Variants in TASP1 observed in about 807,000 individuals in gnomAD.
TASP1 encodes taspase 1, also known as threonine aspartase 1.
TASP1 carries 16 observed loss-of-function variants against 56.6 expected under a neutral mutation model. The observed-to-expected ratio is 0.28, with a 90% CI of 0.19 to 0.43. The LOEUF (loss-of-function observed/expected upper bound fraction) is 0.43. Ranked by LOEUF, TASP1 falls within the 20% of genes least tolerant of loss-of-function variation. TASP1 has a pLI of 1.00. For missense variants in TASP1, 393 were observed against 511.6 expected, an observed-to-expected ratio of 0.77 and a Z score of 2.24; for synonymous variants, 179 against 184.2, an observed-to-expected ratio of 0.97 and a Z score of 0.23.
At chr20:13,431,920 CAGCA>C (rs1420062691) in intron 12 of TASP1, among the ~76,000 whole-genome samples, 4 of 152,232 alleles carry the variant, frequency 2.6e-5, no homozygotes, top group African/African-American at 9.6e-5. Context: ...TAGTCCCCGC[CAGCA>C]AGAAGGCCCT....
chr20:13,469,529 A>T (rs545884031), intron 11 of TASP1, among the ~76,000 whole-genome samples: 14 of 152,248 alleles, frequency 9.2e-5, no homozygotes, highest in South Asian at 8.3e-4. Flanking sequence ...CAGTAATAAA[A>T]TTTTTTTCTT....
At chr20:13,363,165 T>C in the TASP1 span, among the ~76,000 whole-genome samples, 1 of 152,184 alleles carries the variant, frequency 6.6e-6, no homozygotes, top group Non-Finnish European at 1.5e-5. Flanking sequence ...CAACTCTTGT[T>C]GGGCTCCTAC....
the TASP1 span, among the ~76,000 whole-genome samples, chr20:13,112,378 C>T: frequency 2.6e-5 from 4 of 152,212 alleles, no homozygotes; most frequent in African/African-American, 7.2e-5. Flanking sequence ...TCCCTTACAA[C>T]GTGGTGCTGG....
At chr20:13,123,604 T>C in the TASP1 span, among the ~76,000 whole-genome samples, 1 of 152,162 alleles carries the variant, frequency 6.6e-6, no homozygotes, top group Non-Finnish European at 1.5e-5. Context: ...TTATATTCCC[T>C]CCAAGGGGAC....
chr20:13,117,864 T>A, the TASP1 span: 18 of 740,770 alleles, frequency 2.4e-5, 1 homozygote, highest in Non-Finnish European at 3.2e-5. Context: ...CTACAGTGGG[T>A]TCACAGCCAG....
At chr20:13,217,945 T>A in the TASP1 span, among the ~76,000 whole-genome samples, 2 of 152,162 alleles carry the variant, frequency 1.3e-5, no homozygotes, top group South Asian at 4.1e-4. Context: ...CAGAGTCCTT[T>A]GCCATGTAGA....
intron 6 of TASP1, among the ~76,000 whole-genome samples, chr20:13,571,112 C>T (rs1396026090): frequency 6.6e-6 from 1 of 152,070 alleles, no homozygotes; most frequent in Non-Finnish European, 1.5e-5. Context: ...AGGTTTGATT[C>T]TAAGTAAAAT....
the TASP1 span, among the ~76,000 whole-genome samples, chr20:13,208,598 G>C: frequency 6.6e-6 from 1 of 152,194 alleles, no homozygotes; most frequent in Non-Finnish European, 1.5e-5. Flanking sequence ...ACTTGCTTTA[G>C]ACAGTAGAAT....
the TASP1 span, among the ~76,000 whole-genome samples, chr20:13,321,112 T>C: frequency 6.6e-6 from 1 of 151,746 alleles, no homozygotes; most frequent in East Asian, 1.9e-4. Flanking sequence ...GGCATGAGAA[T>C]CGTTTGAACC....
chr20:13,498,634 A>C (rs764902660), intron 10 of TASP1, among the ~76,000 whole-genome samples: 3 of 151,956 alleles, frequency 2.0e-5, no homozygotes, highest in Non-Finnish European at 4.4e-5. Flanking sequence ...GTGGGCCACC[A>C]TGCCCAGCCT....
chr20:13,583,283 A>T (rs1465597986), intron 5 of TASP1, among the ~76,000 whole-genome samples: 1 of 152,190 alleles, frequency 6.6e-6, no homozygotes, highest in Non-Finnish European at 1.5e-5. Context: ...TCTGCCTCAC[A>T]GGATTGATCC....
chr20:13,602,512 G>C lies in TASP1; in HGVS notation c.283-15142C>G, dbSNP rs142032675. Among the ~76,000 whole-genome samples, 5 of 152,304 alleles carry C rather than the reference G, an allele frequency of 3.3e-5. No individual in the cohort carries two copies. The East Asian group carries it at 9.7e-4, about 29-fold the overall frequency. On this transcript the variant is annotated intron_variant, in intron 4 of 13. Transcript: ENST00000337743. ...ATTAAGATGCTAATTAGGGAAACTG[G>C]ATATTAGCATATGAGAATTCTCTAA...
chr20:13,156,780 C>T, the TASP1 span, among the ~76,000 whole-genome samples: 3 of 152,216 alleles, frequency 2.0e-5, no homozygotes, highest in South Asian at 6.2e-4. Flanking sequence ...CATTTCACTA[C>T]TACTCTGCAA....
chr20:13,614,471 C>T (rs1162366565), intron 4 of TASP1, among the ~76,000 whole-genome samples: 2 of 152,118 alleles, frequency 1.3e-5, no homozygotes, highest in Non-Finnish European at 2.9e-5. Context: ...ATTTGTTAAT[C>T]TGACATAAAA....
chr20:13,108,062 A>C, the TASP1 span, among the ~76,000 whole-genome samples: 20 of 152,030 alleles, frequency 1.3e-4, no homozygotes, highest in African/African-American at 4.8e-4. Flanking sequence ...GCTTTTTCTG[A>C]ATTTCAGGAC....
chr20:13,300,207 G>A, the TASP1 span: 1 of 152,020 alleles, frequency 6.6e-6, no homozygotes, highest in Non-Finnish European at 1.5e-5. Flanking sequence ...TCTGCTAAAC[G>A]GCCCCAAAAC....
chr20:13,459,652 A>G (rs567162405), intron 11 of TASP1, among the ~76,000 whole-genome samples: 3 of 152,162 alleles, frequency 2.0e-5, no homozygotes, highest in African/African-American at 4.8e-5. Context: ...GTTTTTCCTC[A>G]AATTTCCAAT....
the TASP1 span, among the ~76,000 whole-genome samples, chr20:13,129,294 G>C: frequency 0.018 from 2,800 of 152,284 alleles, 54 homozygotes; most frequent in South Asian, 0.03. Flanking sequence ...GAGCCACTGT[G>C]CCTGTCTTAA....
intron 11 of TASP1, among the ~76,000 whole-genome samples, chr20:13,449,917 A>T (rs1374659577): frequency 6.6e-6 from 1 of 152,106 alleles, no homozygotes; most frequent in African/African-American, 2.4e-5. Flanking sequence ...ATATCAGTGC[A>T]ATGATACACA....
Sources: allele counts gnomAD v4.1 joint callset (sites outside exome capture counted in the v4.1 genomes callset), GRCh38; gene constraint gnomAD v4.1.1; transcripts MANE v1.5; gene names NCBI Gene and HGNC (gene_info 2026-07-23, HGNC 2026-07-21).